KAZN: variants seen among roughly 807,000 people sequenced by gnomAD.
KAZN encodes the protein kazrin, periplakin interacting protein.
A neutral mutation model predicts 87.4 loss-of-function variants in KAZN; 40 were observed. The observed-to-expected ratio is 0.46, with a 90% confidence interval of 0.36 to 0.60. The LOEUF is 0.60. Among genes scored for constraint, KAZN ranks in the 20% least tolerant of loss-of-function variants. The pLI is 0.00. For synonymous variants in KAZN, 466 were observed against 458.3 expected (o/e 1.02, Z -0.22); for missense variants, 898 against 1,073.9 (o/e 0.84, Z 2.29).
At chr1:14,554,825 C>G (rs1673760447) in intron 2 of KAZN, among the ~76,000 whole-genome samples, 1 of 152,202 alleles carries the variant, frequency 6.6e-6, no homozygotes, top group African/African-American at 2.4e-5. Flanking sequence ...CCTATGATAA[C>G]AGATCGTTAT....
At chr1:14,219,074 A>G (rs1368093686) in intron 2 of KAZN, among the ~76,000 whole-genome samples, 2 of 152,160 alleles carry the variant, frequency 1.3e-5, no homozygotes, top group Non-Finnish European at 2.9e-5. Flanking sequence ...AAGAAACTCT[A>G]TAGGACACAC....
chr1:13,942,910 T>C (rs868098939), intron 1 of KAZN, among the ~76,000 whole-genome samples: 1 of 152,066 alleles, frequency 6.6e-6, no homozygotes, highest in African/African-American at 2.4e-5. Context: ...ATAAGCAACC[T>C]GGAAGACCAG....
intron 1 of KAZN, among the ~76,000 whole-genome samples, chr1:13,993,812 G>A (rs1033355549): frequency 4.6e-5 from 7 of 152,206 alleles, no homozygotes; most frequent in African/African-American, 1.7e-4. Flanking sequence ...CCACCTCAGA[G>A]TAGTTTGACT....
intron 4 of KAZN, among the ~76,000 whole-genome samples, chr1:15,047,496 C>T (rs1302941233): frequency 1.3e-5 from 2 of 152,178 alleles, no homozygotes; most frequent in African/African-American, 2.4e-5. Flanking sequence ...GCAGGCCGGG[C>T]GTGGTGTCTC....
rs188919849 is a variant in KAZN, at chr1:14,103,274, A to G, written c.92-77161A>G. ...TTGTATTGGGGCCCACCCTAGTGAC[A>G]TCTTATACATCTATCTCTTCTTGAA... On this transcript the variant is annotated intron_variant, in intron 1 of 16. Coordinates refer to the KAZN transcript ENST00000636203. 1.4e-3 allele frequency among the ~76,000 whole-genome samples: 210 copies of G among 152,210 alleles called. 1 individual carries two copies. The Middle Eastern group carries it at 0.02, about 15-fold the overall frequency.
chr1:14,514,610 T>TA (rs1671197519), intron 2 of KAZN, among the ~76,000 whole-genome samples: 5 of 33,868 alleles, frequency 1.5e-4, no homozygotes, highest in Admixed American at 4.9e-4. Flanking sequence ...TATATATATA[T>TA]ATATATATAT....
chr1:14,219,235 C>T (rs144086500), intron 2 of KAZN, among the ~76,000 whole-genome samples: 164 of 152,076 alleles, frequency 1.1e-3, no homozygotes, highest in African/African-American at 3.8e-3. Flanking sequence ...AGCTCAGAAG[C>T]GATTGCCATA....
intron 2 of KAZN, among the ~76,000 whole-genome samples, chr1:14,327,292 T>C (rs377083643): frequency 4.7e-4 from 72 of 152,322 alleles, no homozygotes; most frequent in Admixed American, 1.6e-3. Context: ...GGGGGAATTA[T>C]AGCCAGCAGG....
At chr1:14,829,627 T>G (rs1646998788) in intron 1 of KAZN, among the ~76,000 whole-genome samples, 1 of 151,984 alleles carries the variant, frequency 6.6e-6, no homozygotes, top group Non-Finnish European at 1.5e-5. Flanking sequence ...TGTGCATGTG[T>G]TTATTGGGGT....
Position 14,017,552 on chromosome 1 carries a change from C to T in KAZN, c.91+123796C>T, listed in dbSNP as rs565657623. 4.6e-5 allele frequency among the ~76,000 whole-genome samples: 7 copies of T among 152,302 alleles called. No homozygotes were observed. The East Asian group carries it at 9.6e-4, about 21-fold the overall frequency. On this transcript the variant is annotated intron_variant, in intron 1 of 16. Transcript: ENST00000636203. Reference sequence around the variant, plus strand: ...AAGTGTGACCTGCCCAAGGGCATCACGTAAGAGGTGAACTCAGAGTTAAAC... The same window carrying T: ...AAGTGTGACCTGCCCAAGGGCATCATGTAAGAGGTGAACTCAGAGTTAAAC...
intron 2 of KAZN, among the ~76,000 whole-genome samples, chr1:14,249,386 T>G (rs1296590333): frequency 6.6e-6 from 1 of 152,236 alleles, no homozygotes; most frequent in Non-Finnish European, 1.5e-5. Context: ...ATTGAATTAT[T>G]CAGAGAAATT....
At chr1:14,570,467 A>G (rs1309046402) in intron 2 of KAZN, among the ~76,000 whole-genome samples, 1 of 152,110 alleles carries the variant, frequency 6.6e-6, no homozygotes, top group African/African-American at 2.4e-5. Flanking sequence ...CATTCTGGAT[A>G]TTTCATATAA....
intron 1 of KAZN, among the ~76,000 whole-genome samples, chr1:14,931,930 C>T (rs1167973545): frequency 2.0e-5 from 3 of 152,286 alleles, no homozygotes; most frequent in South Asian, 2.1e-4. Context: ...TCCGGGCACG[C>T]GTGTTCCCAG....
chr1:14,852,598 C>T (rs770357389), intron 1 of KAZN, among the ~76,000 whole-genome samples: 12 of 152,336 alleles, frequency 7.9e-5, no homozygotes, highest in East Asian at 1.9e-4. Flanking sequence ...CAGTTCTGGG[C>T]GGACTTCCAA....
In KAZN at chr1:15,094,507, A is replaced by G. The variant is rs1288905101; in HGVS notation, c.1428+122A>G. ...CAGGAGAAGGTGCAATCTAGGAGCT[A>G]GCCAATGCAATCAGCCTCTGATGTA... On this transcript the variant is annotated intron_variant, in intron 9 of 14. Coordinates refer to ENST00000376030, the MANE Select transcript of KAZN (RefSeq NM_201628.3). The surrounding 1 kb of genome is among the most constrained non-coding windows in gnomAD (Gnocchi z 4.5). The G allele has an allele frequency of 1.1e-6, 1 of 896,854 alleles. No individual in the cohort carries two copies. Among genetic ancestry groups the G allele is most frequent in the African/African-American group, 1.7e-5 (1 of 60,470 alleles). 55.6% of individuals were successfully genotyped at this position (896,854 alleles called of 1,614,324 possible).
At chr1:14,577,139 CTGATATT>C (rs1400013478) in intron 2 of KAZN, among the ~76,000 whole-genome samples, 7 of 152,202 alleles carry the variant, frequency 4.6e-5, no homozygotes, top group Non-Finnish European at 1.0e-4. Flanking sequence ...CTGCATCCTA[CTGATATT>C]GCTAACCCCC....
At chr1:14,054,772 T>C (rs560620755) in intron 1 of KAZN, among the ~76,000 whole-genome samples, 1 of 152,318 alleles carries the variant, frequency 6.6e-6, no homozygotes, top group South Asian at 2.1e-4. Flanking sequence ...CAAACATTTA[T>C]TGAGTTGTAG....
intron 1 of KAZN, among the ~76,000 whole-genome samples, chr1:13,913,812 G>T (rs2100877207): frequency 6.6e-6 from 1 of 152,318 alleles, no homozygotes; most frequent in East Asian, 1.9e-4. Context: ...CAGAAATTCT[G>T]ATTACTGGGT....
At chr1:14,573,067 G>A (rs1188368010) in intron 2 of KAZN, among the ~76,000 whole-genome samples, 1 of 152,122 alleles carries the variant, frequency 6.6e-6, no homozygotes, top group African/African-American at 2.4e-5. Context: ...GAGGAATGGG[G>A]GAGAGGTTTG....
Sources: gnomAD v4.1 joint callset for allele counts (sites outside exome capture counted in the v4.1 genomes callset) on GRCh38, gnomAD v4.1.1 for gene constraint, Gnocchi (gnomAD v3.1) non-coding constraint, MANE v1.5 for transcripts, NCBI Gene and HGNC (gene_info 2026-07-23, HGNC 2026-07-21) for gene names.